The following ATP6V1C1 variants were observed in gnomAD, a reference collection of about 807,000 sequenced individuals.
The protein encoded by ATP6V1C1 is ATPase H+ transporting V1 subunit C1.
Under a neutral mutation model 53.9 loss-of-function variants are expected in ATP6V1C1, and 45 were observed. The ratio of observed to expected loss-of-function variants is 0.83; its 90% CI spans 0.66 to 1.07. The LOEUF (loss-of-function observed/expected upper bound fraction) is 1.07. ATP6V1C1 is among the 50% of genes least tolerant of loss of function. The pLI, the probability that ATP6V1C1 is intolerant of heterozygous loss-of-function variation, is 0.00. For missense variants in ATP6V1C1, 315 were observed against 440.3 expected, an observed-to-expected ratio of 0.72 and a Z score of 2.55; for synonymous variants, 153 against 155.2, an observed-to-expected ratio of 0.99 and a Z score of 0.11.
chr8:103,030,989 T>C (rs1268688972), intron 1 of ATP6V1C1, among the ~76,000 whole-genome samples: 1 of 152,168 alleles, frequency 6.6e-6, no homozygotes, highest in Non-Finnish European at 1.5e-5. Context: ...ATCCTAACAA[T>C]GTTTGAAAAC....
chr8:103,039,318 T>G (rs1161315121), intron 1 of ATP6V1C1, among the ~76,000 whole-genome samples: 2 of 152,168 alleles, frequency 1.3e-5, no homozygotes, highest in African/African-American at 4.8e-5. Context: ...CTTTCAATGG[T>G]ATTGTAGTGA....
chr8:103,042,775 G>A (rs896074931), intron 3 of ATP6V1C1, among the ~76,000 whole-genome samples: 11 of 151,874 alleles, frequency 7.2e-5, no homozygotes, highest in Non-Finnish European at 1.3e-4. Context: ...GTCACTTACC[G>A]TCCCCACCAC....
intron 1 of ATP6V1C1, among the ~76,000 whole-genome samples, chr8:103,033,335 A>G (rs1586309979): frequency 6.6e-6 from 1 of 152,356 alleles, no homozygotes; most frequent in East Asian, 1.9e-4. Context: ...TATAAATTAT[A>G]TTTTAATAAA....
intron 1 of ATP6V1C1, among the ~76,000 whole-genome samples, chr8:103,032,821 A>G (rs1816822442): frequency 6.6e-6 from 1 of 152,166 alleles, no homozygotes; most frequent in South Asian, 2.1e-4. Context: ...TCAACTTAGA[A>G]ATTCTACTTT....
chr8:103,047,464 A>ACACACACACACACACAT (rs137856477), intron 3 of ATP6V1C1, among the ~76,000 whole-genome samples: 26 of 125,586 alleles, frequency 2.1e-4, no homozygotes, highest in Non-Finnish European at 3.6e-4. Flanking sequence ...ACACACACAC[A>ACACACACACACACACAT]TTTTTTTTTT....
intron 1 of ATP6V1C1, among the ~76,000 whole-genome samples, chr8:103,033,830 A>C (rs1816840840): frequency 6.6e-6 from 1 of 152,218 alleles, no homozygotes; most frequent in Admixed American, 6.5e-5. Flanking sequence ...GACTTGTGCT[A>C]GTAGATAGGA....
rs112805343 is a variant in ATP6V1C1, at chr8:103,022,145, CAT to C, written c.-40+921_-40+922del. On this transcript the variant is annotated intron_variant, in intron 1 of 12. Coordinates refer to ENST00000518738, the MANE Select transcript of ATP6V1C1 (RefSeq NM_001695.5). ...GCTTTGAAAGTGTGGAGCAACGACA[CAT>C]GTGTAAACTGGCACTATGGGAAGAT... is the stretch of plus-strand genomic sequence containing the variant. Among the ~76,000 whole-genome samples, 1,155 of 152,278 alleles carry C rather than the reference CAT, an allele frequency of 7.6e-3. 19 individuals are homozygous for C. Among genetic ancestry groups the C allele is most frequent in the African/African-American group, 0.026 (1,093 of 41,562 alleles).
chr8:103,023,905 T>G (rs1308736120), intron 1 of ATP6V1C1, among the ~76,000 whole-genome samples: 117 of 149,838 alleles, frequency 7.8e-4, no homozygotes, highest in East Asian at 1.8e-3. Context: ...CATTTTTTTT[T>G]GGGGGGGGGG....
At chr8:103,064,467 C>G (rs1817455004) in intron 10 of ATP6V1C1, 1 of 283,682 alleles carries the variant, frequency 3.5e-6, no homozygotes, top group Non-Finnish European at 6.5e-6. Context: ...ATACCTTTTT[C>G]TGTGTTAGTG....
At position 103,024,704 on chromosome 8, in the gene ATP6V1C1, A is replaced by G. The variant is rs997900086; in HGVS notation, c.-40+3479A>G. Among the ~76,000 whole-genome samples, 6 of 152,234 alleles carry G rather than the reference A, an allele frequency of 3.9e-5. 1 individual carries two copies. The highest frequency in any genetic ancestry group is 1.4e-4 in the African/African-American group (6 of 41,464). ...TTTTAAAGACAGACATAGTATAAAC[A>G]TTAGCATAGTGCCCTTGGGACGCTT... On this transcript the variant is annotated intron_variant, in intron 1 of 12. Coordinates refer to ENST00000518738, the MANE Select transcript of ATP6V1C1 (RefSeq NM_001695.5).
rs1817591230 is a variant in ATP6V1C1 at position 103,071,761 on chromosome 8, T to C, written c.*3014T>C. ...GCCCCCAAGTAGCTGGGCCTACAGG[T>C]GCGTGCTACCACGCCTGGCCAATTT... On this transcript the variant is annotated 3_prime_UTR_variant, in exon 13 of 13. Coordinates refer to ENST00000518738, the MANE Select transcript of ATP6V1C1 (RefSeq NM_001695.5). 1 of 153,172 alleles carries C rather than the reference T, an allele frequency of 6.5e-6. No individual in the cohort carries two copies. Among genetic ancestry groups the C allele is most frequent in the Non-Finnish European group, 1.5e-5 (1 of 68,888 alleles). 9.5% of individuals were successfully genotyped at this position (153,172 alleles called of 1,614,324 possible).
chr8:103,062,885 G>T, intron 8 of ATP6V1C1, 70 bp from the exon 9 acceptor site: 1 of 1,376,728 alleles, frequency 7.3e-7, no homozygotes. Context: ...ACCTGTTTCT[G>T]AATTTTGCCC....
intron 1 of ATP6V1C1, among the ~76,000 whole-genome samples, chr8:103,034,235 C>T (rs1347949237): frequency 2.6e-5 from 4 of 152,110 alleles, no homozygotes; most frequent in South Asian, 2.1e-4. Flanking sequence ...TGAGAAACTA[C>T]GATTTAATCA....
chr8:103,047,428 G>GCA lies in ATP6V1C1; in HGVS notation c.201-1441_201-1440insAC, dbSNP rs1377123398. Among the ~76,000 whole-genome samples the GCA allele has an allele frequency of 5.7e-3, 667 of 117,556 alleles. 2 individuals are homozygous for GCA. Among genetic ancestry groups the GCA allele is most frequent in the Middle Eastern group, 8.5e-3 (2 of 234 alleles). The allele number at this position is 117,556 out of a possible 152,430, so 77.1% of individuals were successfully genotyped here. A position where few individuals can be genotyped will look rare whatever the true frequency, so the allele number is the denominator to read the frequency against. On this transcript the variant is annotated intron_variant, in intron 3 of 12. Coordinates refer to ENST00000518738, the MANE Select transcript of ATP6V1C1 (RefSeq NM_001695.5). ...TCTTAAAAAAAAAAAAAAAATGCGC[G>GCA]CGCACACACACACACACACACACAC...
At chr8:103,024,464 T>C (rs1413995829) in intron 1 of ATP6V1C1, among the ~76,000 whole-genome samples, 1 of 152,166 alleles carries the variant, frequency 6.6e-6, no homozygotes, top group East Asian at 1.9e-4. Context: ...TTGCCAAAGG[T>C]CTCCATGTAG....
chr8:103,052,904 G>T, intron 6 of ATP6V1C1, 82 bp downstream of exon 6: 1 of 804,826 alleles, frequency 1.2e-6, no homozygotes, highest in Non-Finnish European at 1.9e-6. Flanking sequence ...TTGGGATTTA[G>T]TTAGTTTCAG....
At position 103,068,835 on chromosome 8, in the gene ATP6V1C1, G is replaced by A. The variant is rs1817539842; in HGVS notation, c.*88G>A. The A allele has an allele frequency of 7.1e-6, 8 of 1,130,124 alleles. No individual in the cohort carries two copies. Among genetic ancestry groups the A allele is most frequent in the Non-Finnish European group, 1.0e-5 (8 of 798,276 alleles). 70.0% of individuals were successfully genotyped at this position (1,130,124 alleles called of 1,614,324 possible). A position where few individuals can be genotyped will look rare whatever the true frequency, so the allele number is the denominator to read the frequency against. On this transcript the variant is annotated 3_prime_UTR_variant, in exon 13 of 13. Transcript: ENST00000518738. ...CAGTATGGTCGTACTTTTAACTCTA[G>A]TATCCTTTGCTTGCTTCTTACGCCC...
At position 103,040,962 on chromosome 8, in the gene ATP6V1C1, C is replaced by G; in HGVS notation, c.126C>G (p.Asp42Glu). Residue 42 changes from aspartate to glutamate, a missense_variant, in exon 2 of 13, where the codon GAC (aspartate) becomes GAG (glutamate). Coordinates refer to ENST00000518738, the MANE Select transcript of ATP6V1C1 (RefSeq NM_001695.5). ...LAVTSKFNIPDLKVGTLDVLV... is the reference protein window; with the variant it reads ...LAVTSKFNIPELKVGTLDVLV... ...TCACTTCCAAGTTCAATATTCCTGA[C>G]TTAAAGGTGAAGCTGCACTGTGCAA... is the stretch of plus-strand genomic sequence containing the variant. The G allele has an allele frequency of 6.2e-7, 1 of 1,613,942 alleles. No individual in the cohort carries two copies. The highest frequency in any genetic ancestry group is 8.5e-7 in the Non-Finnish European group (1 of 1,179,900).
chr8:103,039,629 C>T (rs1364743574), intron 1 of ATP6V1C1, among the ~76,000 whole-genome samples: 1 of 152,086 alleles, frequency 6.6e-6, no homozygotes, highest in Non-Finnish European at 1.5e-5. Flanking sequence ...AATAATGATA[C>T]CATAATACTT....
Sources: allele counts gnomAD v4.1 joint callset (sites outside exome capture counted in the v4.1 genomes callset), GRCh38; gene constraint gnomAD v4.1.1; transcripts MANE v1.5; gene names NCBI Gene and HGNC (gene_info 2026-07-23, HGNC 2026-07-21).